The following FNDC3A variants were observed in gnomAD, a reference collection of about 807,000 sequenced individuals.
The protein encoded by FNDC3A is fibronectin type III domain containing 3A, also known as fibronectin type-III domain-containing protein 3A.
A neutral mutation model predicts 148.9 loss-of-function variants in FNDC3A; 32 were observed. The observed-to-expected ratio is 0.21, with a 90% CI of 0.16 to 0.29. The LOEUF (loss-of-function observed/expected upper bound fraction) is 0.29. Among genes scored for constraint, FNDC3A ranks in the 10% least tolerant of loss-of-function variants. The probability of loss-of-function intolerance (pLI) is 1.00; values close to 1 mark genes in which losing one functional copy is unlikely to be tolerated. For synonymous variants in FNDC3A, 472 were observed against 473.6 expected, an observed-to-expected ratio of 1.00 and a Z score of 0.04; for missense variants, 1,191 against 1,452.8, an observed-to-expected ratio of 0.82 and a Z score of 2.93.
At chr13:49,188,964 G>A (rs1037993834) in intron 17 of FNDC3A, among the ~76,000 whole-genome samples, 7 of 152,066 alleles carry the variant, frequency 4.6e-5, no homozygotes, top group Admixed American at 2.6e-4. Context: ...ATTATAGACC[G>A]ATTTACTGCT....
At chr13:49,093,829 ATC>A (rs1486381409) in intron 3 of FNDC3A, among the ~76,000 whole-genome samples, 1 of 152,200 alleles carries the variant, frequency 6.6e-6, no homozygotes, top group Non-Finnish European at 1.5e-5. Flanking sequence ...CCTCAAGACT[ATC>A]TCTATCAAAA....
At chr13:49,088,395 C>G (rs9535147) in intron 3 of FNDC3A, among the ~76,000 whole-genome samples, 89,013 of 151,934 alleles carry the variant, frequency 0.59, 27,516 homozygotes, top group Non-Finnish European at 0.68. Flanking sequence ...CACTCAGCTT[C>G]ACTCCAAAAT....
At chr13:49,034,494 G>A (rs61280060) in intron 2 of FNDC3A, among the ~76,000 whole-genome samples, 1 of 152,082 alleles carries the variant, frequency 6.6e-6, no homozygotes, top group East Asian at 1.9e-4. Flanking sequence ...AAACTTAGAG[G>A]TACTTCAATA....
intron 8 of FNDC3A, among the ~76,000 whole-genome samples, chr13:49,159,923 T>G (rs544514729): frequency 6.6e-5 from 10 of 152,368 alleles, no homozygotes; most frequent in African/African-American, 2.4e-4. Flanking sequence ...ATTACGTTTA[T>G]TGATTTGCAT....
chr13:49,016,933 G>C (rs1394219677), intron 2 of FNDC3A, among the ~76,000 whole-genome samples: 1 of 151,076 alleles, frequency 6.6e-6, no homozygotes, highest in Non-Finnish European at 1.5e-5. Context: ...TCTTAATCCT[G>C]AGTTCTAGTT....
chr13:49,152,704 T>G, intron 8 of FNDC3A, among the ~76,000 whole-genome samples: 1 of 144,342 alleles, frequency 6.9e-6, no homozygotes, highest in South Asian at 2.3e-4. Context: ...GAGTGTGATA[T>G]TCCCCTTCCT....
chr13:49,009,607 T>A (rs1363877069), intron 2 of FNDC3A, among the ~76,000 whole-genome samples: 1 of 152,214 alleles, frequency 6.6e-6, no homozygotes, highest in Non-Finnish European at 1.5e-5. Flanking sequence ...TATCTTTTCC[T>A]GATAGCAGAA....
chr13:49,190,982 A>T, intron 17 of FNDC3A, 33 bp from the exon 18 acceptor site: 1 of 1,497,984 alleles, frequency 6.7e-7, no homozygotes, highest in Non-Finnish European at 9.2e-7. Context: ...GTTTTGGGGC[A>T]TTTTTGTTTT....
chr13:49,016,136 T>G (rs568796949), intron 2 of FNDC3A, among the ~76,000 whole-genome samples: 8 of 152,368 alleles, frequency 5.3e-5, no homozygotes, highest in African/African-American at 9.6e-5. Flanking sequence ...TTAGGGAGGA[T>G]TCCCTCTTTT....
chr13:49,120,675 A>C (rs1881278202), intron 4 of FNDC3A, among the ~76,000 whole-genome samples: 1 of 152,090 alleles, frequency 6.6e-6, no homozygotes, highest in Non-Finnish European at 1.5e-5. Context: ...AGCAAAAAAA[A>C]AAAAAGCAGG....
chr13:48,991,674 C>T (rs936866744), intron 1 of FNDC3A, among the ~76,000 whole-genome samples: 4 of 148,972 alleles, frequency 2.7e-5, no homozygotes, highest in Admixed American at 1.3e-4. Flanking sequence ...AGTGACACAG[C>T]AAAACCCTGT....
intron 2 of FNDC3A, among the ~76,000 whole-genome samples, chr13:49,052,151 A>T (rs1446807453): frequency 2.6e-5 from 4 of 152,144 alleles, no homozygotes; most frequent in African/African-American, 9.7e-5. Context: ...TGATTTGCTT[A>T]ATAATCTACC....
intron 5 of FNDC3A, among the ~76,000 whole-genome samples, chr13:49,132,395 A>G (rs1292167803): frequency 1.3e-5 from 2 of 152,204 alleles, no homozygotes; most frequent in African/African-American, 2.4e-5. Flanking sequence ...GGGTTTCTCA[A>G]ACATGCCACT....
rs1304767380 is a variant in FNDC3A at position 49,047,767 on chromosome 13, C to G, written c.100-27522C>G. 3.3e-5 allele frequency among the ~76,000 whole-genome samples: 5 copies of G among 152,248 alleles called. No individual in the cohort carries two copies. The East Asian group carries it at 9.6e-4, about 29-fold the overall frequency. On this transcript the variant is annotated intron_variant, in intron 2 of 25. Transcript: ENST00000492622. ...TGTCTGCTAACTCTGTGGATTATTT[C>G]TTTTGCTGTGCTGAAACTTTTTAGT... is the stretch of plus-strand genomic sequence containing the variant.
At chr13:49,036,976 T>G (rs1874536692) in intron 2 of FNDC3A, among the ~76,000 whole-genome samples, 1 of 151,740 alleles carries the variant, frequency 6.6e-6, no homozygotes, top group Non-Finnish European at 1.5e-5. Context: ...CTGAAAGGAG[T>G]AGAACAGATG....
chr13:49,078,199 A>G (rs1593558594), intron 3 of FNDC3A, among the ~76,000 whole-genome samples: 1 of 152,254 alleles, frequency 6.6e-6, no homozygotes, highest in Non-Finnish European at 1.5e-5. Flanking sequence ...ACCCTGAATT[A>G]TAAGTAGCTT....
intron 2 of FNDC3A, among the ~76,000 whole-genome samples, chr13:49,058,542 A>C (rs1876426695): frequency 6.6e-6 from 1 of 152,124 alleles, no homozygotes; most frequent in Non-Finnish European, 1.5e-5. Context: ...TTGGACACAC[A>C]AAGGGACACC....
At chr13:49,101,375 ATCAGAGTCAGGG>A (rs1355610899) in intron 3 of FNDC3A, among the ~76,000 whole-genome samples, 4 of 152,310 alleles carry the variant, frequency 2.6e-5, no homozygotes, top group Non-Finnish European at 5.9e-5. Context: ...TGCCACAAGA[ATCAGAGTCAGGG>A]TCAGAGTCAG....
chr13:49,101,026 C>T (rs188324605), intron 3 of FNDC3A, among the ~76,000 whole-genome samples: 1 of 152,196 alleles, frequency 6.6e-6, no homozygotes, highest in African/African-American at 2.4e-5. Flanking sequence ...GTGAGATATG[C>T]AGGTTGATTA....
Sources: gnomAD v4.1 joint callset for allele counts (sites outside exome capture counted in the v4.1 genomes callset) on GRCh38, gnomAD v4.1.1 for gene constraint, MANE v1.5 for transcripts, NCBI Gene and HGNC (gene_info 2026-07-23, HGNC 2026-07-21) for gene names.